EYS: variants seen among roughly 807,000 people sequenced by gnomAD.
The protein encoded by EYS is EGF-like photoreceptor maintenance factor, also known as protein eyes shut homolog.
Under a neutral mutation model 282.1 loss-of-function variants are expected in EYS, and 250 were observed. That is an observed-to-expected ratio of 0.89 (90% CI 0.80 to 0.98). The LOEUF is 0.98. EYS is among the 50% of genes least tolerant of loss of function. EYS has a pLI of 0.00. For synonymous variants in EYS, 1,355 were observed against 1,282.9 expected, an observed-to-expected ratio of 1.06 and a Z score of -1.20; for missense variants, 4,016 against 3,709.0, an observed-to-expected ratio of 1.08 and a Z score of -2.15.
intron 22 of EYS, among the ~76,000 whole-genome samples, chr6:64,689,160 A>C (rs1487675882): frequency 2.6e-5 from 4 of 152,192 alleles, no homozygotes; most frequent in Non-Finnish European, 4.4e-5. Context: ...AATCACAAGC[A>C]TTCCTATACA....
intron 31 of EYS, among the ~76,000 whole-genome samples, chr6:64,125,355 G>A (rs1350891670): frequency 6.6e-6 from 1 of 152,078 alleles, no homozygotes; most frequent in African/African-American, 2.4e-5. Flanking sequence ...CCATGCATGG[G>A]TCAGCCTTAC....
intron 19 of EYS, among the ~76,000 whole-genome samples, chr6:64,844,317 TG>T (rs1291705773): frequency 6.6e-6 from 1 of 151,592 alleles, no homozygotes; most frequent in Non-Finnish European, 1.5e-5. Flanking sequence ...GATAAATGAG[TG>T]AGACTAAAAC....
At chr6:65,327,991 T>C (rs1411265627) in intron 11 of EYS, among the ~76,000 whole-genome samples, 1 of 151,496 alleles carries the variant, frequency 6.6e-6, no homozygotes, top group South Asian at 2.1e-4. Flanking sequence ...TTATTAAAAT[T>C]GTGTAAAAAT....
In EYS at chr6:64,423,227, T is replaced by C. The variant is rs1048156949; in HGVS notation, c.5927+12947A>G. On this transcript the variant is annotated intron_variant, in intron 28 of 42. Transcript: ENST00000503581. ...TAACAATTATTGATATGAAAACTTATTGGAAAGGAAGTCAATTCAATTGTA... is the reference window on the plus strand; with the variant it reads ...TAACAATTATTGATATGAAAACTTACTGGAAAGGAAGTCAATTCAATTGTA... 7.9e-5 allele frequency among the ~76,000 whole-genome samples: 12 copies of C among 152,310 alleles called. No homozygotes were observed. The East Asian group carries it at 2.1e-3, about 27-fold the overall frequency.
intron 22 of EYS, among the ~76,000 whole-genome samples, chr6:64,734,010 C>T (rs1243427495): frequency 2.6e-5 from 4 of 151,890 alleles, no homozygotes; most frequent in Admixed American, 6.6e-5. Flanking sequence ...CCTTCAATTA[C>T]GTTTAAAACA....
chr6:65,378,864 T>G (rs959630532), intron 8 of EYS, among the ~76,000 whole-genome samples: 3 of 151,676 alleles, frequency 2.0e-5, no homozygotes, highest in African/African-American at 7.3e-5. Context: ...GAGGGGAACA[T>G]CACACACCGG....
intron 41 of EYS, among the ~76,000 whole-genome samples, chr6:63,727,275 T>C (rs994505452): frequency 8.5e-5 from 13 of 152,112 alleles, no homozygotes; most frequent in Non-Finnish European, 1.8e-4. Flanking sequence ...TCTTTTCTTA[T>C]AATGTTACAG....
chr6:64,076,308 C>G (rs1408894267), intron 32 of EYS, among the ~76,000 whole-genome samples: 1 of 151,846 alleles, frequency 6.6e-6, no homozygotes, highest in Non-Finnish European at 1.5e-5. Flanking sequence ...AACTCAGAAA[C>G]AAAACTTAAG....
At chr6:65,597,496 A>T (rs370367214) in intron 2 of EYS, among the ~76,000 whole-genome samples, 2 of 152,144 alleles carry the variant, frequency 1.3e-5, no homozygotes, top group African/African-American at 4.8e-5. Flanking sequence ...CTGATGAATG[A>T]ATGGATAGAC....
intron 5 of EYS, among the ~76,000 whole-genome samples, chr6:65,442,597 T>C (rs12665809): frequency 0.2 from 30,052 of 151,198 alleles, 3,695 homozygotes; most frequent in Middle Eastern, 0.3. Context: ...ACTAAAACTA[T>C]AAAAAAATTA....
intron 12 of EYS, among the ~76,000 whole-genome samples, chr6:65,190,963 T>G (rs756456126): frequency 4.6e-5 from 7 of 151,784 alleles, no homozygotes; most frequent in Admixed American, 1.3e-4. Flanking sequence ...AATGACAATC[T>G]GTATGCTAAT....
chr6:65,163,281 G>T (rs968133956), intron 12 of EYS, among the ~76,000 whole-genome samples: 1 of 151,090 alleles, frequency 6.6e-6, no homozygotes, highest in Non-Finnish European at 1.5e-5. Flanking sequence ...AACACAGTTC[G>T]TAAGGTTTAA....
intron 28 of EYS, among the ~76,000 whole-genome samples, chr6:64,429,363 G>T (rs1236471448): frequency 6.6e-6 from 1 of 152,174 alleles, no homozygotes; most frequent in African/African-American, 2.4e-5. Context: ...AGGTGCAGTG[G>T]CTCAGGCCTG....
In EYS at chr6:63,984,616, T is replaced by C. The variant is rs1409890507; in HGVS notation, c.6835-13A>G. 5 of 1,511,020 alleles carry C rather than the reference T, an allele frequency of 3.3e-6. No individual in the cohort carries two copies. Among genetic ancestry groups the C allele is most frequent in the Non-Finnish European group, 4.5e-6 (5 of 1,112,378 alleles). 93.6% of individuals were successfully genotyped at this position (1,511,020 alleles called of 1,614,324 possible). On this transcript the variant is annotated splice_polypyrimidine_tract_variant and intron_variant, in intron 34 of 42. Transcript: ENST00000503581. ...ATTCAAAATATGCCTGTAGAAAAAG[T>C]AACAACAAAAAATATTATAGGTTGT...
At chr6:64,760,010 T>C (rs1773107990) in intron 22 of EYS, among the ~76,000 whole-genome samples, 1 of 152,246 alleles carries the variant, frequency 6.6e-6, no homozygotes, top group Non-Finnish European at 1.5e-5. Context: ...GGGATTTACC[T>C]TTGCCATACT....
At chr6:65,367,450 A>G (rs1247905393) in intron 8 of EYS, among the ~76,000 whole-genome samples, 2 of 151,692 alleles carry the variant, frequency 1.3e-5, no homozygotes, top group Non-Finnish European at 2.9e-5. Context: ...TTCCTGTTTC[A>G]GCACTAGTAA....
chr6:65,245,996 T>C (rs999929527), intron 12 of EYS, among the ~76,000 whole-genome samples: 1 of 152,100 alleles, frequency 6.6e-6, no homozygotes, highest in African/African-American at 2.4e-5. Flanking sequence ...TGTCTTTCTA[T>C]TTTCCTTATA....
chr6:63,772,280 C>T (rs564832945), intron 40 of EYS, among the ~76,000 whole-genome samples: 191 of 152,166 alleles, frequency 1.3e-3, no homozygotes, highest in Admixed American at 1.8e-3. Context: ...CCCTCCTCAG[C>T]CTCCTGAGTA....
chr6:64,228,225 T>C (rs1438976248), intron 31 of EYS, among the ~76,000 whole-genome samples: 2 of 152,168 alleles, frequency 1.3e-5, no homozygotes, highest in Non-Finnish European at 2.9e-5. Context: ...AGAGGCAAGA[T>C]ACTCTATTCA....
Sources: gnomAD v4.1 joint callset for allele counts (sites outside exome capture counted in the v4.1 genomes callset) on GRCh38, gnomAD v4.1.1 for gene constraint, MANE v1.5 for transcripts, NCBI Gene and HGNC (gene_info 2026-07-23, HGNC 2026-07-21) for gene names.